The following CEPT1 variants were observed in gnomAD, a reference collection of about 807,000 sequenced individuals.
The protein encoded by CEPT1 is choline/ethanolaminephosphotransferase 1.
A neutral mutation model predicts 42.6 loss-of-function variants in CEPT1; 7 were observed. The ratio of observed to expected loss-of-function variants is 0.16; its 90% CI spans 0.09 to 0.31. The LOEUF (loss-of-function observed/expected upper bound fraction) is 0.31. Ranked by LOEUF, CEPT1 falls within the 10% of genes least tolerant of loss-of-function variation. The pLI, the probability that CEPT1 is intolerant of heterozygous loss-of-function variation, is 1.00. For missense variants in CEPT1, 306 were observed against 502.1 expected, an observed-to-expected ratio of 0.61 and a Z score of 3.73; for synonymous variants, 171 against 171.9, an observed-to-expected ratio of 0.99 and a Z score of 0.04.
chr1:111,174,951 T>C lies in CEPT1; in HGVS notation c.702T>C (p.Phe234=). Residue 234 remains phenylalanine, a synonymous_variant, in exon 5 of 9, where the codon TTT becomes TTC. Transcript: ENST00000357172. ...HLLAVIGGPP[F]WQSMIPVLNI... is the part of the protein sequence containing the mutation. ...TGGCAGTGATTGGAGGACCACCTTT[T>C]TGGCAATCTATGGTAACTTTGTTCA... 3.1e-6 allele frequency: 5 copies of C among 1,606,790 alleles called. No homozygotes were observed. The highest frequency in any genetic ancestry group is 4.3e-6 in the Non-Finnish European group (5 of 1,173,480).
rs6693482 is a variant in CEPT1, at chr1:111,166,730, G to A, written c.629+5434G>A. On this transcript the variant is annotated intron_variant, in intron 4 of 8. Coordinates refer to ENST00000357172, the MANE Select transcript of CEPT1 (RefSeq NM_006090.5). ...TCTAAGAAGAATTCCTATCTACAGG[G>A]AAGTCTAGATCAGTTCTGGTGCTAA... Among the ~76,000 whole-genome samples, 889 of 152,254 alleles carry A rather than the reference G, an allele frequency of 5.8e-3. 12 individuals are homozygous for A. Among genetic ancestry groups the A allele is most frequent in the African/African-American group, 0.02 (843 of 41,532 alleles).
intron 4 of CEPT1, 142 bp from the exon 5 acceptor site, chr1:111,174,737 A>G: frequency 1.9e-6 from 1 of 515,460 alleles, no homozygotes; most frequent in Non-Finnish European, 3.5e-6. Context: ...CAAATTTTTG[A>G]TGCCTCCTTT....
At chr1:111,162,316 T>C (rs1655917090) in intron 4 of CEPT1, among the ~76,000 whole-genome samples, 1 of 152,254 alleles carries the variant, frequency 6.6e-6, no homozygotes, top group East Asian at 1.9e-4. Context: ...TGATGAAGCA[T>C]GCACTAACAC....
At chr1:111,173,345 G>A in intron 4 of CEPT1, 1 of 151,518 alleles carries the variant, frequency 6.6e-6, no homozygotes, top group Non-Finnish European at 1.5e-5. Context: ...CTGTATGTTT[G>A]CAGCTAAATA....
At chr1:111,173,698 C>G (rs149736518) in intron 4 of CEPT1, among the ~76,000 whole-genome samples, 4 of 152,262 alleles carry the variant, frequency 2.6e-5, no homozygotes, top group African/African-American at 7.2e-5. Context: ...CAATAGGTAG[C>G]CACCACTCTT....
intron 1 of CEPT1, among the ~76,000 whole-genome samples, chr1:111,142,995 A>G (rs1351074691): frequency 6.6e-6 from 1 of 152,240 alleles, no homozygotes; most frequent in South Asian, 2.1e-4. Flanking sequence ...TGGGAATTTT[A>G]TACAGTTTAA....
At chr1:111,183,043 T>C (rs920401433) in intron 7 of CEPT1, 86 bp downstream of exon 7, 1 of 1,345,684 alleles carries the variant, frequency 7.4e-7, no homozygotes, top group African/African-American at 1.5e-5. Flanking sequence ...TGTAGCTTCA[T>C]AAATGGTCCT....
chr1:111,167,257 G>A, intron 4 of CEPT1: 6 of 985,140 alleles, frequency 6.1e-6, no homozygotes, highest in Non-Finnish European at 7.2e-6. Flanking sequence ...CAGCACCTTT[G>A]TCATGCACAG....
intron 2 of CEPT1, among the ~76,000 whole-genome samples, chr1:111,151,781 T>C (rs1352760785): frequency 6.6e-6 from 1 of 152,230 alleles, no homozygotes; most frequent in African/African-American, 2.4e-5. Context: ...CAGATGCACA[T>C]TTTCCCCCAC....
At chr1:111,184,119 C>G in intron 8 of CEPT1, 72 bp from the exon 9 acceptor site, 1 of 1,466,848 alleles carries the variant, frequency 6.8e-7, no homozygotes, top group Non-Finnish European at 9.4e-7. Context: ...AGAACAGAGT[C>G]CAGTCCTCTT....
chr1:111,177,068 T>A (rs891601694), intron 5 of CEPT1, among the ~76,000 whole-genome samples: 3 of 152,220 alleles, frequency 2.0e-5, no homozygotes, highest in Non-Finnish European at 4.4e-5. Context: ...TTTTTGACAT[T>A]TTCAACAATA....
chr1:111,182,130 G>A lies in CEPT1; in HGVS notation c.715-57G>A, dbSNP rs1571160360. ...GGGAATATGAATCAAATATTAGACTGTTTTCTTATTTTAGTTTGTATATGT... is the reference window on the plus strand; with the variant it reads ...GGGAATATGAATCAAATATTAGACTATTTTCTTATTTTAGTTTGTATATGT... On this transcript the variant is annotated intron_variant, in intron 5 of 8. Transcript: ENST00000357172. The A allele has an allele frequency of 6.5e-6, 9 of 1,380,234 alleles. No homozygotes were observed. In the East Asian group the frequency reaches 2.2e-4, roughly 33 times the overall value. The allele number at this position is 1,380,234 out of a possible 1,614,324, so 85.5% of individuals were successfully genotyped here.
rs192226344 is a variant in CEPT1, at chr1:111,170,096, A to C, written c.630-4783A>C. ...TTAGCTGACTCCCCAGTGGTTGGCA[A>C]ATTTTGTATTGTGCCAGTTAGAGAG... On this transcript the variant is annotated intron_variant, in intron 4 of 8. Transcript: ENST00000357172. Among the ~76,000 whole-genome samples the C allele has an allele frequency of 5.9e-5, 9 of 152,280 alleles. No individual in the cohort carries two copies. The East Asian group carries it at 1.3e-3, about 23-fold the overall frequency.
intron 6 of CEPT1, 118 bp from the exon 7 acceptor site, chr1:111,182,681 T>TG (rs1657048357): frequency 1.1e-6 from 1 of 889,648 alleles, no homozygotes; most frequent in South Asian, 1.9e-5. Flanking sequence ...AATTGCTGCC[T>TG]ATCAGGCACC....
chr1:111,155,544 G>A (rs1655517056), intron 2 of CEPT1, among the ~76,000 whole-genome samples: 1 of 151,132 alleles, frequency 6.6e-6, no homozygotes, highest in African/African-American at 2.4e-5. Flanking sequence ...TCACTTTTTT[G>A]GGGGTTTTTT....
chr1:111,170,910 A>G lies in CEPT1; in HGVS notation c.630-3969A>G, dbSNP rs1656383405. ...TATGTTAACCAAACTAATATAAACA[A>G]TTGTGTTGCCAAACTACAACACAAT... is the stretch of plus-strand genomic sequence containing the variant. On this transcript the variant is annotated intron_variant, in intron 4 of 8. Coordinates refer to ENST00000357172, the MANE Select transcript of CEPT1 (RefSeq NM_006090.5). Among the ~76,000 whole-genome samples the G allele has an allele frequency of 3.3e-5, 5 of 152,320 alleles. No homozygotes were observed. In the South Asian group the frequency reaches 1.0e-3, roughly 32 times the overall value.
chr1:111,152,930 A>C (rs530935990), intron 2 of CEPT1, among the ~76,000 whole-genome samples: 1 of 152,340 alleles, frequency 6.6e-6, no homozygotes, highest in South Asian at 2.1e-4. Flanking sequence ...TGATCAGATC[A>C]GGGTAATTAT....
At chr1:111,144,295 A>G (rs1358069963) in intron 1 of CEPT1, among the ~76,000 whole-genome samples, 1 of 152,226 alleles carries the variant, frequency 6.6e-6, no homozygotes, top group Non-Finnish European at 1.5e-5. Context: ...CTCTGTATCT[A>G]TATGAATGTG....
intron 2 of CEPT1, among the ~76,000 whole-genome samples, chr1:111,153,864 G>A (rs1442509844): frequency 6.6e-6 from 1 of 152,080 alleles, no homozygotes; most frequent in African/African-American, 2.4e-5. Context: ...TAGCTTTTTA[G>A]TGTATTTTGA....
Sources: allele counts gnomAD v4.1 joint callset (sites outside exome capture counted in the v4.1 genomes callset), GRCh38; gene constraint gnomAD v4.1.1; transcripts MANE v1.5; gene names NCBI Gene and HGNC (gene_info 2026-07-23, HGNC 2026-07-21).